Variants in SLC35F4 observed in about 807,000 individuals in gnomAD.
The protein encoded by SLC35F4 is solute carrier family 35 member F4.
In SLC35F4, 24 loss-of-function variants were observed where a neutral mutation model predicts 44.2. The ratio of observed to expected loss-of-function variants is 0.54; its 90% CI spans 0.39 to 0.76. The LOEUF (loss-of-function observed/expected upper bound fraction) is 0.76. Among genes scored for constraint, SLC35F4 ranks in the 30% least tolerant of loss-of-function variants. SLC35F4 has a pLI of 0.00. For missense variants in SLC35F4, 562 were observed against 586.1 expected, an observed-to-expected ratio of 0.96 and a Z score of 0.42; for synonymous variants, 238 against 223.6, an observed-to-expected ratio of 1.06 and a Z score of -0.57.
intron 1 of SLC35F4, among the ~76,000 whole-genome samples, chr14:57,808,209 A>G (rs1881567603): frequency 6.6e-6 from 1 of 151,846 alleles, no homozygotes; most frequent in African/African-American, 2.4e-5. Flanking sequence ...CAATCCTATG[A>G]GGTAGGTATT....
intron 1 of SLC35F4, among the ~76,000 whole-genome samples, chr14:57,761,589 T>C (rs1453310510): frequency 6.6e-6 from 1 of 152,218 alleles, no homozygotes; most frequent in East Asian, 1.9e-4. Flanking sequence ...CTATCTATTT[T>C]GTATAGGTTT....
chr14:57,840,563 C>A (rs893826067), intron 1 of SLC35F4, among the ~76,000 whole-genome samples: 3 of 152,166 alleles, frequency 2.0e-5, no homozygotes, highest in Non-Finnish European at 2.9e-5. Context: ...CGGGCTTTGA[C>A]ATTGATTCCC....
At chr14:57,977,252 G>A (rs193047981) in intron 1 of SLC35F4, among the ~76,000 whole-genome samples, 40 of 152,202 alleles carry the variant, frequency 2.6e-4, no homozygotes, top group Admixed American at 2.0e-3. Context: ...TTTTTAGTGG[G>A]GTTACAGAAA....
rs2068536383 is a variant in SLC35F4, at chr14:57,572,003, A to G, written c.824T>C (p.Met275Thr). 1.2e-6 allele frequency: 2 copies of G among 1,610,482 alleles called. No homozygotes were observed. The highest frequency in any genetic ancestry group is 1.7e-6 in the Non-Finnish European group (2 of 1,178,238). ...CATCATGACAATGCCGGTAATTGCC[A>G]TTATTGCAGCAACTATCTGTCAAAT... ...FMGVRIVAAI[M>T]AITGIVMMAY... Residue 275 changes from methionine to threonine, a missense_variant, in exon 5 of 8, where the codon ATG becomes ACG. Transcript: ENST00000556826.
At chr14:57,683,866 G>C (rs1172240219) in intron 1 of SLC35F4, among the ~76,000 whole-genome samples, 4 of 152,056 alleles carry the variant, frequency 2.6e-5, no homozygotes, top group African/African-American at 7.2e-5. Context: ...AACTCCTCTG[G>C]GGTTGGGGTG....
chr14:57,932,137 C>G (rs1388106948), intron 1 of SLC35F4, among the ~76,000 whole-genome samples: 2 of 152,134 alleles, frequency 1.3e-5, no homozygotes, highest in Non-Finnish European at 2.9e-5. Context: ...CGTCATATAA[C>G]TTGAAGACAA....
chr14:57,696,009 AG>A (rs900930106), intron 1 of SLC35F4, among the ~76,000 whole-genome samples: 4 of 152,192 alleles, frequency 2.6e-5, no homozygotes, highest in African/African-American at 9.6e-5. Context: ...AATACCATTC[AG>A]GACATAGGCA....
At position 57,853,001 on chromosome 14, in the gene SLC35F4, A is replaced by G. The variant is rs560197820; in HGVS notation, c.103+12722T>C. ...CTAAATATAGCAAACCTCAGACTGC[A>G]GGATAGTGTAATGTTCAATCTCTGT... On this transcript the variant is annotated intron_variant, in intron 1 of 7. Transcript: ENST00000556826. Among the ~76,000 whole-genome samples the G allele has an allele frequency of 3.3e-4, 50 of 152,370 alleles. 1 individual carries two copies. Among genetic ancestry groups the G allele is most frequent in the African/African-American group, 1.2e-3 (50 of 41,590 alleles).
chr14:57,612,639 T>G (rs1040364040), intron 1 of SLC35F4, among the ~76,000 whole-genome samples: 2 of 152,254 alleles, frequency 1.3e-5, no homozygotes, highest in Non-Finnish European at 2.9e-5. Context: ...ACTTAGTGGC[T>G]TTTCATAAGC....
intron 1 of SLC35F4, among the ~76,000 whole-genome samples, chr14:57,759,764 G>A (rs1252022438): frequency 1.3e-5 from 2 of 151,956 alleles, no homozygotes; most frequent in African/African-American, 4.8e-5. Context: ...CTGGTGATTA[G>A]TAATGTTGAG....
chr14:57,831,183 C>T (rs1465173622), intron 1 of SLC35F4, among the ~76,000 whole-genome samples: 2 of 152,130 alleles, frequency 1.3e-5, no homozygotes. Context: ...TGACTTCTTA[C>T]AGATGCCAAG....
At position 57,865,897 on chromosome 14, in the gene SLC35F4, G is replaced by A; in HGVS notation, c.-72C>T. On this transcript the variant is annotated 5_prime_UTR_variant, in exon 1 of 8. Transcript: ENST00000556826. ...AGCGCGGGGCCCGGGAGCTGGTGCA[G>A]GTGCCGGAGCCGCTGGTGCTGATCT... is the stretch of plus-strand genomic sequence containing the variant. 9 of 1,115,178 alleles carry A rather than the reference G, an allele frequency of 8.1e-6. 1 individual carries two copies. The South Asian group carries it at 1.2e-4, about 15-fold the overall frequency. The allele number at this position is 1,115,178 out of a possible 1,614,324, so 69.1% of individuals were successfully genotyped here.
Position 57,581,214 on chromosome 14 carries a change from C to T in SLC35F4, c.807G>A (p.Arg269=). The change falls in exon 4 of 8, where the codon AGG becomes AGA. Residue 269 remains arginine, a splice_region_variant and synonymous_variant. Transcript: ENST00000556826. The part of the protein sequence containing the change: ...IVLKDRFMGV[R]IVAAIMAITG... ...CGCATTGAATCAAGTATGCCATTAC[C>T]CTCACTCCCATGAACCTGTCTTTCA... 2 of 1,552,836 alleles carry T rather than the reference C, an allele frequency of 1.3e-6. No homozygotes were observed. Among genetic ancestry groups the T allele is most frequent in the Non-Finnish European group, 1.7e-6 (2 of 1,151,888 alleles).
intron 1 of SLC35F4, among the ~76,000 whole-genome samples, chr14:57,658,555 A>G (rs1477964326): frequency 6.6e-6 from 1 of 152,206 alleles, no homozygotes; most frequent in Non-Finnish European, 1.5e-5. Flanking sequence ...GGAGCTATTA[A>G]TCTGTCAGGT....
intron 1 of SLC35F4, among the ~76,000 whole-genome samples, chr14:57,839,087 T>A (rs1054612989): frequency 6.6e-6 from 1 of 152,130 alleles, no homozygotes; most frequent in Non-Finnish European, 1.5e-5. Flanking sequence ...GATACCTACA[T>A]GCAAAAGACA....
intron 1 of SLC35F4, among the ~76,000 whole-genome samples, chr14:57,733,268 G>A (rs575474905): frequency 6.7e-6 from 1 of 150,242 alleles, no homozygotes; most frequent in Admixed American, 6.6e-5. Context: ...ACAGAAATTC[G>A]ACTATGGATT....
chr14:57,976,739 A>G (rs959154512), downstream of SLC35F4: 1 of 152,236 alleles, frequency 6.6e-6, no homozygotes, highest in Admixed American at 6.5e-5. Context: ...GACACTTGGT[A>G]TATAGCCACT....
intron 1 of SLC35F4, among the ~76,000 whole-genome samples, chr14:57,600,265 C>T (rs1470386179): frequency 4.6e-5 from 7 of 152,118 alleles, no homozygotes; most frequent in Non-Finnish European, 1.0e-4. Flanking sequence ...GATCCAAGAC[C>T]TTTTCCATGA....
intron 1 of SLC35F4, among the ~76,000 whole-genome samples, chr14:57,828,048 TG>T (rs1344150507): frequency 2.0e-5 from 3 of 152,170 alleles, no homozygotes; most frequent in African/African-American, 7.2e-5. Context: ...GACCTGCAGA[TG>T]TAATTACTGA....
Sources: allele counts gnomAD v4.1 joint callset (sites outside exome capture counted in the v4.1 genomes callset), GRCh38; gene constraint gnomAD v4.1.1; transcripts MANE v1.5; gene names NCBI Gene and HGNC (gene_info 2026-07-23, HGNC 2026-07-21).